Variants in ANKAR observed in about 807,000 individuals in gnomAD.
The protein encoded by ANKAR is ankyrin and armadillo repeat containing.
In ANKAR, 136 loss-of-function variants were observed where a neutral mutation model predicts 146.2. That is an observed-to-expected ratio of 0.93 (90% CI 0.81 to 1.07). The LOEUF is 1.07. ANKAR is among the 50% of genes least tolerant of loss of function. The pLI is 0.00. For missense variants in ANKAR, 1,567 were observed against 1,679.9 expected (o/e 0.93, Z 1.18); for synonymous variants, 500 against 575.8 (o/e 0.87, Z 1.88).
rs760943111 is a variant in ANKAR at position 189,705,101 on chromosome 2, A to G, written c.1787A>G (p.Tyr596Cys). Residue 596 changes from tyrosine to cysteine, a missense_variant, in exon 8 of 23, where the codon TAC becomes TGC. Transcript: ENST00000684021. ...TGTCTACTGTGTTCCAAAGCTGATTACACGCTTTCTGAAAAAAGAGGCTGG... is the reference window on the plus strand; with the variant it reads ...TGTCTACTGTGTTCCAAAGCTGATTGCACGCTTTCTGAAAAAAGAGGCTGG... ...TVCLLCSKAD[Y>C]TLSEKRGWMP... 5 of 1,614,114 alleles carry G rather than the reference A, an allele frequency of 3.1e-6. 1 individual carries two copies. The South Asian group carries it at 5.5e-5, about 18-fold the overall frequency.
intron 7 of ANKAR, among the ~76,000 whole-genome samples, chr2:189,704,198 G>A (rs997875952): frequency 6.7e-6 from 1 of 150,370 alleles, no homozygotes; most frequent in African/African-American, 2.5e-5. Flanking sequence ...CTGGAGTGCA[G>A]TGGCATGATC....
chr2:189,725,709 A>G (rs964035220), intron 12 of ANKAR, among the ~76,000 whole-genome samples: 1 of 152,094 alleles, frequency 6.6e-6, no homozygotes, highest in African/African-American at 2.4e-5. Flanking sequence ...TGAGTTCAAC[A>G]CCAGCCTGGG....
At chr2:189,740,510 GA>G (rs1168799245) in intron 19 of ANKAR, among the ~76,000 whole-genome samples, 3 of 152,156 alleles carry the variant, frequency 2.0e-5, no homozygotes, top group Non-Finnish European at 4.4e-5. Context: ...AAATATAAAT[GA>G]AATAATATTC....
intron 2 of ANKAR, among the ~76,000 whole-genome samples, chr2:189,685,628 G>C (rs1265127716): frequency 6.6e-6 from 1 of 152,144 alleles, no homozygotes; most frequent in Non-Finnish European, 1.5e-5. Flanking sequence ...AGGAACGCTG[G>C]CAGACTTCAC....
chr2:189,753,770 G>A, intron 18 of ANKAR: 1 of 854,228 alleles, frequency 1.2e-6, no homozygotes, highest in Non-Finnish European at 1.7e-6. Flanking sequence ...ATGGCTGTTA[G>A]TCTTTCCTAT....
In ANKAR at chr2:189,689,091, C is replaced by G. The variant is rs151080507; in HGVS notation, c.602-436C>G. Among the ~76,000 whole-genome samples the G allele has an allele frequency of 1.1e-3, 162 of 152,266 alleles. 2 individuals are homozygous for G. Among genetic ancestry groups the G allele is most frequent in the African/African-American group, 3.5e-3 (144 of 41,558 alleles). On this transcript the variant is annotated intron_variant, in intron 2 of 22. Transcript: ENST00000684021. ...TGTGGCAGTTAGAACACAGTTTATT[C>G]TTTAAGTAGAGGGGTTTGTGACTTC...
At chr2:189,679,443 A>T (rs1472881842) in intron 2 of ANKAR, among the ~76,000 whole-genome samples, 1 of 151,998 alleles carries the variant, frequency 6.6e-6, no homozygotes, top group Non-Finnish European at 1.5e-5. Context: ...ACCAAATTGG[A>T]TGTCTGTTAT....
chr2:189,692,486 A>G, intron 4 of ANKAR, 68 bp downstream of exon 4: 2 of 1,450,322 alleles, frequency 1.4e-6, no homozygotes, highest in Non-Finnish European at 1.9e-6. Flanking sequence ...CCAACCAAAA[A>G]GAGCCTCTGT....
At chr2:189,738,534 CAA>C in intron 18 of ANKAR, 29 bp from the exon 19 acceptor site, 1 of 1,349,492 alleles carries the variant, frequency 7.4e-7, no homozygotes, top group Non-Finnish European at 1.0e-6. Context: ...AGAAAATGTT[CAA>C]AGACTCTCTG....
rs577984382 is a variant in ANKAR at position 189,677,148 on chromosome 2, A to G, written c.601+57A>G. ...TTTTTTTTTTTTGGAACAGAGTCTT[A>G]CTACGTCACCCAGGGTGGTCACGAA... On this transcript the variant is annotated intron_variant, in intron 2 of 22. Coordinates refer to ENST00000684021, the MANE Select transcript of ANKAR (RefSeq NM_001378068.1). The G allele has an allele frequency of 2.3e-5, 32 of 1,419,404 alleles. No homozygotes were observed. In the East Asian group the frequency reaches 7.5e-4, roughly 33 times the overall value. The allele number at this position is 1,419,404 out of a possible 1,614,324, so 87.9% of individuals were successfully genotyped here.
intron 18 of ANKAR, chr2:189,752,815 G>T: frequency 6.2e-7 from 1 of 1,613,402 alleles, no homozygotes; most frequent in Non-Finnish European, 8.5e-7. Flanking sequence ...TATTTACATA[G>T]TTATGAGTGA....
intron 3 of ANKAR, among the ~76,000 whole-genome samples, chr2:189,691,136 A>G (rs1437835211): frequency 2.0e-5 from 3 of 152,040 alleles, no homozygotes; most frequent in Admixed American, 6.6e-5. Flanking sequence ...ACTCACTGCA[A>G]CCTCCACCTC....
intron 18 of ANKAR, chr2:189,754,363 T>C (rs2045740460): frequency 1.3e-6 from 2 of 1,572,426 alleles, no homozygotes; most frequent in Non-Finnish European, 8.6e-7. Context: ...AGAAACATAT[T>C]TTTTAGAGTC....
In ANKAR at chr2:189,732,893, G is replaced by T. The variant is rs1363623875; in HGVS notation, c.3301-214G>T. On this transcript the variant is annotated intron_variant, in intron 16 of 22. Coordinates refer to ENST00000684021, the MANE Select transcript of ANKAR (RefSeq NM_001378068.1). ...AAATGGAGCTCTGTGGTTGGTCCCT[G>T]AACACAGAAAGGATATTTTCTCAGC... Among the ~76,000 whole-genome samples, 6 of 152,152 alleles carry T rather than the reference G, an allele frequency of 3.9e-5. No homozygotes were observed. The East Asian group carries it at 1.2e-3, about 29-fold the overall frequency.
chr2:189,715,361 C>A (rs1257742428), intron 10 of ANKAR, among the ~76,000 whole-genome samples: 2 of 152,144 alleles, frequency 1.3e-5, no homozygotes, highest in Non-Finnish European at 2.9e-5. Flanking sequence ...AATTCCTGGA[C>A]ACATACAACC....
intron 9 of ANKAR, among the ~76,000 whole-genome samples, chr2:189,710,239 G>T (rs1478355217): frequency 1.3e-5 from 2 of 152,124 alleles, no homozygotes; most frequent in African/African-American, 2.4e-5. Context: ...TTTCCTGTGT[G>T]TATATTTGTA....
At chr2:189,722,796 C>T (rs1027200447) in intron 12 of ANKAR, among the ~76,000 whole-genome samples, 3 of 151,216 alleles carry the variant, frequency 2.0e-5, no homozygotes, top group Admixed American at 1.3e-4. Flanking sequence ...GCAGGATAAT[C>T]GCTTGAAGCT....
At chr2:189,700,037 CATT>C (rs1559082468) in intron 7 of ANKAR, among the ~76,000 whole-genome samples, 1 of 140,292 alleles carries the variant, frequency 7.1e-6, no homozygotes. Flanking sequence ...ACTTGACCTT[CATT>C]TTTTTTTTTT....
Position 189,676,536 on chromosome 2 carries a change from C to T in ANKAR, c.46C>T (p.Gln16Ter), listed in dbSNP as rs764257333. 1 of 1,589,158 alleles carries T rather than the reference C, an allele frequency of 6.3e-7. No individual in the cohort carries two copies. The highest frequency in any genetic ancestry group is 1.1e-5 in the South Asian group (1 of 89,618). Residue 16 changes from glutamine (Q) to a stop codon, truncating the protein, a stop_gained, in exon 2 of 23, where the codon CAG becomes TAG. Coordinates refer to ENST00000684021, the MANE Select transcript of ANKAR (RefSeq NM_001378068.1). LOFTEE classifies it high-confidence loss of function. Reference protein sequence around the residue: ...KKGLPRFEQVQDEDTYLENLA... With the variant: ...KKGLPRFEQV ...AGGATTACCTAGATTTGAGCAAGTTCAGGATGAAGACACCTACCTGGAAAA... is the reference window on the plus strand; with the variant it reads ...AGGATTACCTAGATTTGAGCAAGTTTAGGATGAAGACACCTACCTGGAAAA...
Sources: gnomAD v4.1 joint callset for allele counts (sites outside exome capture counted in the v4.1 genomes callset) on GRCh38, gnomAD v4.1.1 for gene constraint, MANE v1.5 for transcripts, NCBI Gene and HGNC (gene_info 2026-07-23, HGNC 2026-07-21) for gene names.